Variants in BRSK1 observed in about 807,000 individuals in gnomAD.
BRSK1 encodes serine/threonine-protein kinase BRSK1.
A neutral mutation model predicts 86.2 loss-of-function variants in BRSK1; 17 were observed. The observed-to-expected ratio is 0.20, with a 90% CI of 0.14 to 0.30. The LOEUF is 0.30. Among genes scored for constraint, BRSK1 ranks in the 10% least tolerant of loss-of-function variants. The pLI, the probability that BRSK1 is intolerant of heterozygous loss-of-function variation, is 1.00. For synonymous variants in BRSK1, 464 were observed against 440.1 expected (o/e 1.05, Z -0.68); for missense variants, 719 against 1,071.9 (o/e 0.67, Z 4.60).
At chr19:55,311,843 A>C in intron 18 of BRSK1, 68 bp from the exon 19 acceptor site, 1 of 1,541,724 alleles carries the variant, frequency 6.5e-7, no homozygotes, top group Non-Finnish European at 8.8e-7. Flanking sequence ...CTCTGCCCCC[A>C]TCCCCTGGTA....
intron 1 of BRSK1, among the ~76,000 whole-genome samples, chr19:55,286,188 GCT>G (rs1281177967): frequency 6.9e-6 from 1 of 145,074 alleles, no homozygotes; most frequent in Non-Finnish European, 1.5e-5. Context: ...GGGAGGAGGG[GCT>G]GGGGTCTGGA....
intron 7 of BRSK1, among the ~76,000 whole-genome samples, chr19:55,297,538 G>A (rs2088506904): frequency 6.6e-6 from 1 of 152,188 alleles, no homozygotes; most frequent in African/African-American, 2.4e-5. Flanking sequence ...GGATACTAAG[G>A]GCAATGAGGC....
rs45579439 is a variant in BRSK1 at position 55,303,467 on chromosome 19, C to A, written c.1126+59C>A. 4 of 1,561,844 alleles carry A rather than the reference C, an allele frequency of 2.6e-6. No individual in the cohort carries two copies. In the Admixed American group the frequency reaches 5.0e-5, roughly 20 times the overall value. ...GGTCTCGAGATTGGAAGAGGCTGGC[C>A]ACGGGGACCCCAGATTCCCAAGGAA... On this transcript the variant is annotated intron_variant, in intron 11 of 18. Coordinates refer to ENST00000309383, the MANE Select transcript of BRSK1 (RefSeq NM_032430.2). This position sits in a 1 kb window ranked among gnomAD's most constrained non-coding sequence, Gnocchi z 5.1.
At position 55,284,196 on chromosome 19, in the gene BRSK1, G is replaced by A; in HGVS notation, c.-247G>A. The A allele has an allele frequency of 4.9e-6, 4 of 811,678 alleles. No individual in the cohort carries two copies. Among genetic ancestry groups the A allele is most frequent in the South Asian group, 6.2e-5 (1 of 16,258 alleles). The allele number at this position is 811,678 out of a possible 1,614,324, so 50.3% of individuals were successfully genotyped here. ...CCGGCCAGAAACGGGCTGGGGAGGG[G>A]GGGCCCCGCAGCCCCCCTGGGCCAT... On this transcript the variant is annotated 5_prime_UTR_variant, in exon 1 of 19. Coordinates refer to ENST00000309383, the MANE Select transcript of BRSK1 (RefSeq NM_032430.2).
Position 55,294,181 on chromosome 19 carries a change from TG to T in BRSK1, c.576-31del. The T allele has an allele frequency of 6.2e-7, 1 of 1,611,828 alleles. No individual in the cohort carries two copies. Among genetic ancestry groups the T allele is most frequent in the Non-Finnish European group, 8.5e-7 (1 of 1,178,314 alleles). On this transcript the variant is annotated intron_variant, in intron 5 of 18. Coordinates refer to ENST00000309383, the MANE Select transcript of BRSK1 (RefSeq NM_032430.2). This position sits in a 1 kb window ranked among gnomAD's most constrained non-coding sequence, Gnocchi z 4.9. ...AGACCCTGGGCAGGGGTTTAGAAGC[TG>T]GCTGGAGGCTCACATCAGCTCTCTC... is the stretch of plus-strand genomic sequence containing the variant.
In BRSK1 at chr19:55,287,051, G is replaced by A; in HGVS notation, c.181G>A (p.Ala61Thr). Residue 61 changes from alanine to threonine, a missense_variant, in exon 2 of 19, where the codon GCC becomes ACC. Ala to Thr is a moderately conservative substitution (Grantham distance 58). Around this residue, in one of 6 missense-constraint regions of BRSK1, gnomAD observed 71 missense variants for 92.6 expected, o/e 0.77. Coordinates refer to ENST00000309383, the MANE Select transcript of BRSK1 (RefSeq NM_032430.2). This position sits in a 1 kb window ranked among gnomAD's most constrained non-coding sequence, Gnocchi z 5.3. ...CCACTGCATCACGGGTCAGAAGGTC[G>A]CCATCAAGATCGTGAACCGGGAGAA... ...GVHCITGQKVAIKIVNREKLS... is the reference protein window; with the variant it reads ...GVHCITGQKVTIKIVNREKLS... 1 of 1,613,568 alleles carries A rather than the reference G, an allele frequency of 6.2e-7. No individual in the cohort carries two copies. Among genetic ancestry groups the A allele is most frequent in the Non-Finnish European group, 8.5e-7 (1 of 1,179,882 alleles).
At chr19:55,298,676 G>C (rs1443706109) in intron 7 of BRSK1, among the ~76,000 whole-genome samples, 1 of 152,206 alleles carries the variant, frequency 6.6e-6, no homozygotes, top group East Asian at 1.9e-4. Flanking sequence ...AAGTGACCCT[G>C]TTTCAGCTCT....
At chr19:55,299,928 G>A (rs933566396) in intron 7 of BRSK1, among the ~76,000 whole-genome samples, 33 of 152,018 alleles carry the variant, frequency 2.2e-4, no homozygotes, top group African/African-American at 8.0e-4. Context: ...GCCCTCAAAG[G>A]CTCACACCAT....
chr19:55,294,172 T>G lies in BRSK1; in HGVS notation c.575+39T>G. The G allele has an allele frequency of 1.2e-6, 2 of 1,609,422 alleles. No individual in the cohort carries two copies. The highest frequency in any genetic ancestry group is 2.2e-5 in the South Asian group (2 of 90,710). ...GGGCTCCCGAGACCCTGGGCAGGGG[T>G]TTAGAAGCTGGCTGGAGGCTCACAT... On this transcript the variant is annotated intron_variant, in intron 5 of 18. Transcript: ENST00000309383. The surrounding 1 kb of genome is among the most constrained non-coding windows in gnomAD (Gnocchi z 4.9).
At chr19:55,307,006 T>C (rs998760784) in intron 17 of BRSK1, among the ~76,000 whole-genome samples, 1 of 152,242 alleles carries the variant, frequency 6.6e-6, no homozygotes, top group Non-Finnish European at 1.5e-5. Context: ...CAGGCAGCCA[T>C]GACCAGTCGA....
chr19:55,311,309 C>T (rs2088788562), intron 18 of BRSK1, among the ~76,000 whole-genome samples: 1 of 152,138 alleles, frequency 6.6e-6, no homozygotes, highest in Non-Finnish European at 1.5e-5. Context: ...CACGGGACCT[C>T]AGGTAACATC....
rs780759652 is a variant in BRSK1 at position 55,287,129 on chromosome 19, C to A, written c.231+28C>A. The A allele has an allele frequency of 1.3e-6, 1 of 750,694 alleles. No individual in the cohort carries two copies. Among genetic ancestry groups the A allele is most frequent in the South Asian group, 1.3e-5 (1 of 74,328 alleles). 46.5% of individuals were successfully genotyped at this position (750,694 alleles called of 1,614,324 possible). Reference sequence around the variant, plus strand: ...GTGTGCGCCTGCTGCAGTGTGCCTGCGGGTGGGGGGGCCTCCGGGGCTGAG... The same window carrying A: ...GTGTGCGCCTGCTGCAGTGTGCCTGAGGGTGGGGGGGCCTCCGGGGCTGAG... On this transcript the variant is annotated intron_variant, in intron 2 of 18. Transcript: ENST00000309383. The surrounding 1 kb of genome is among the most constrained non-coding windows in gnomAD (Gnocchi z 5.3).
chr19:55,299,274 G>A (rs532234794), intron 7 of BRSK1, among the ~76,000 whole-genome samples: 3 of 152,310 alleles, frequency 2.0e-5, no homozygotes, highest in East Asian at 3.9e-4. Flanking sequence ...TCCAGTAGCC[G>A]TGACTCGTTC....
rs1303077410 is a variant in BRSK1, at chr19:55,304,931, A to G, written c.1717+11A>G. 6.2e-7 allele frequency: 1 copy of G among 1,605,138 alleles called. No individual in the cohort carries two copies. Among genetic ancestry groups the G allele is most frequent in the East Asian group, 2.2e-5 (1 of 44,840 alleles). On this transcript the variant is annotated intron_variant, in intron 14 of 18. Transcript: ENST00000309383. This position sits in a 1 kb window ranked among gnomAD's most constrained non-coding sequence, Gnocchi z 5.2. ...GGCGCAAGATGCAGGGTATGGGGGCATGAACTGCCGAGTCCTAATGTGGGG... is the reference window on the plus strand; with the variant it reads ...GGCGCAAGATGCAGGGTATGGGGGCGTGAACTGCCGAGTCCTAATGTGGGG...
intron 18 of BRSK1, 78 bp from the exon 19 acceptor site, chr19:55,311,833 C>A: frequency 6.7e-7 from 1 of 1,484,702 alleles, no homozygotes; most frequent in Non-Finnish European, 9.2e-7. Flanking sequence ...GATGAGGAGA[C>A]TCTGCCCCCA....
chr19:55,290,796 C>T (rs1032907678), intron 4 of BRSK1, among the ~76,000 whole-genome samples: 20 of 152,060 alleles, frequency 1.3e-4, no homozygotes, highest in African/African-American at 4.8e-4. Flanking sequence ...CGCCCGCCAC[C>T]ACGCCCGGCT....
At position 55,311,993 on chromosome 19, in the gene BRSK1, G is replaced by C. The variant is rs2088810015; in HGVS notation, c.2262G>C (p.Glu754Asp). Reference sequence around the variant, plus strand: ...CCCCACCCGGCCGCCCAGACCCAGAGCTGAGCAGCTCTCCCCGCCGAGGCC... The same window carrying C: ...CCCCACCCGGCCGCCCAGACCCAGACCTGAGCAGCTCTCCCCGCCGAGGCC... ...LQPPPGRPDPELSSSPRRGPP... is the reference protein window; with the variant it reads ...LQPPPGRPDPDLSSSPRRGPP... The change falls in exon 19 of 19, where the codon GAG becomes GAC. Residue 754 changes from glutamate (E) to aspartate (D), a missense_variant. Transcript: ENST00000309383. 6.4e-7 allele frequency: 1 copy of C among 1,562,866 alleles called. No homozygotes were observed. The highest frequency in any genetic ancestry group is 8.7e-7 in the Non-Finnish European group (1 of 1,153,508).
intron 1 of BRSK1, among the ~76,000 whole-genome samples, chr19:55,285,074 T>G (rs2088290099): frequency 7.4e-6 from 1 of 135,488 alleles, no homozygotes. Flanking sequence ...AGGAGGGGAC[T>G]GGGGTCCTGG....
At chr19:55,308,451 G>A (rs555881554) in intron 17 of BRSK1, among the ~76,000 whole-genome samples, 188 bp from the exon 18 acceptor site, 6 of 152,026 alleles carry the variant, frequency 3.9e-5, no homozygotes, top group Non-Finnish European at 5.9e-5. Flanking sequence ...GAGTTTGACC[G>A]TGATCCTTAA....
Sources: allele counts gnomAD v4.1 joint callset (sites outside exome capture counted in the v4.1 genomes callset), GRCh38; gene constraint gnomAD v4.1.1; regional missense constraint gnomAD v4.1.1; non-coding constraint Gnocchi (gnomAD v3.1); transcripts MANE v1.5; gene names NCBI Gene and HGNC (gene_info 2026-07-23, HGNC 2026-07-21).